The following CLIC6 variants were observed in gnomAD, a reference collection of about 807,000 sequenced individuals.
CLIC6 encodes the protein chloride intracellular channel protein 6.
CLIC6 carries 39 observed loss-of-function variants against 49.2 expected under a neutral mutation model. The ratio of observed to expected loss-of-function variants is 0.79; its 90% CI spans 0.61 to 1.04. The LOEUF (loss-of-function observed/expected upper bound fraction) is 1.04, where lower values mean the gene tolerates loss of function less well. Among genes scored for constraint, CLIC6 ranks in the 50% least tolerant of loss-of-function variants. The pLI is 0.00. For missense variants in CLIC6, 988 were observed against 993.1 expected, an observed-to-expected ratio of 0.99 and a Z score of 0.07; for synonymous variants, 446 against 433.4, an observed-to-expected ratio of 1.03 and a Z score of -0.36.
intron 5 of CLIC6, among the ~76,000 whole-genome samples, chr21:34,713,164 TAAAGACAAGAAAC>T (rs1652233641): frequency 6.6e-6 from 1 of 151,948 alleles, no homozygotes; most frequent in Admixed American, 6.6e-5. Context: ...GGAGGAATGA[TAAAGACAAGAAAC>T]AAAAACAGAA....
chr21:34,693,494 G>C (rs932181174), intron 1 of CLIC6, among the ~76,000 whole-genome samples: 4 of 152,214 alleles, frequency 2.6e-5, no homozygotes, highest in African/African-American at 7.2e-5. Context: ...AAAAACCATA[G>C]TAAGGAACCA....
At chr21:34,687,068 T>G (rs1462330892) in intron 1 of CLIC6, among the ~76,000 whole-genome samples, 2 of 152,182 alleles carry the variant, frequency 1.3e-5, no homozygotes, top group Non-Finnish European at 2.9e-5. Flanking sequence ...ACGTGGCAAT[T>G]GGTGACTGGG....
intron 1 of CLIC6, among the ~76,000 whole-genome samples, chr21:34,695,840 A>C (rs1427139140): frequency 1.3e-5 from 2 of 152,186 alleles, no homozygotes; most frequent in Non-Finnish European, 2.9e-5. Flanking sequence ...AACGACATGA[A>C]ATGTGCTACT....
chr21:34,679,713 A>G (rs1350736757), intron 1 of CLIC6, among the ~76,000 whole-genome samples: 1 of 152,246 alleles, frequency 6.6e-6, no homozygotes, highest in Non-Finnish European at 1.5e-5. Context: ...CAGAGGGGCT[A>G]CAGGTCCCAT....
chr21:34,687,966 T>C (rs987814345), intron 1 of CLIC6, among the ~76,000 whole-genome samples: 7 of 152,168 alleles, frequency 4.6e-5, no homozygotes, highest in Admixed American at 1.3e-4. Flanking sequence ...ACAACGAGCA[T>C]TGGGATGGAG....
rs1399270985 is a variant in CLIC6, at chr21:34,718,174, A to T, written c.*1692A>T. The T allele has an allele frequency of 1.3e-5, 2 of 152,588 alleles. No homozygotes were observed. The highest frequency in any genetic ancestry group is 2.9e-5 in the Non-Finnish European group (2 of 68,036). 9.5% of individuals were successfully genotyped at this position (152,588 alleles called of 1,614,324 possible). On this transcript the variant is annotated 3_prime_UTR_variant, in exon 6 of 6. Transcript: ENST00000349499. ...TTAGACATTAAAATGATTGACATAA[A>T]CTCTTTGTGCCTTGAAAATGAAACA... is the stretch of plus-strand genomic sequence containing the variant.
intron 1 of CLIC6, among the ~76,000 whole-genome samples, chr21:34,704,014 A>G (rs548968309): frequency 6.6e-6 from 1 of 152,224 alleles, no homozygotes; most frequent in Non-Finnish European, 1.5e-5. Context: ...AGAAATGTAT[A>G]TGTACAAAAA....
chr21:34,686,017 A>C (rs1241955253), intron 1 of CLIC6, among the ~76,000 whole-genome samples: 1 of 152,232 alleles, frequency 6.6e-6, no homozygotes, highest in Non-Finnish European at 1.5e-5. Context: ...GCTTTTTCAC[A>C]CAAAAAATTT....
At chr21:34,700,638 T>C (rs73900544) in intron 1 of CLIC6, among the ~76,000 whole-genome samples, 2,468 of 140,014 alleles carry the variant, frequency 0.018, 548 homozygotes, top group African/African-American at 0.067. Context: ...CAAGCTGTCA[T>C]GGGGAGTGGC....
chr21:34,711,192 T>C, intron 5 of CLIC6, among the ~76,000 whole-genome samples: 1 of 152,106 alleles, frequency 6.6e-6, no homozygotes, highest in East Asian at 1.9e-4. Context: ...GAAAAATAAG[T>C]CATGGACTGT....
Position 34,670,339 on chromosome 21 carries a change from G to A in CLIC6, c.951G>A (p.Glu317=). The stretch of plus-strand genomic sequence containing the variant: ...AGGCAATTGAGGTCGCAGCCGGGGA[G>A]AGTGCGGGGCGCAGCCCCGGTGAGC... The part of the protein sequence containing the change: ...QAEAIEVAAG[E]SAGRSPGELA... The change falls in exon 1 of 6, where the codon GAG becomes GAA. Residue 317 remains glutamate, a synonymous_variant. Transcript: ENST00000349499. 7 of 1,451,382 alleles carry A rather than the reference G, an allele frequency of 4.8e-6. No homozygotes were observed. Among genetic ancestry groups the A allele is most frequent in the Non-Finnish European group, 6.3e-6 (7 of 1,102,928 alleles). 89.9% of individuals were successfully genotyped at this position (1,451,382 alleles called of 1,614,324 possible).
chr21:34,676,124 C>T (rs1252855071), intron 1 of CLIC6, among the ~76,000 whole-genome samples: 3 of 152,148 alleles, frequency 2.0e-5, no homozygotes, highest in East Asian at 1.9e-4. Context: ...TTTGTCGGGC[C>T]GACTCAGATA....
intron 1 of CLIC6, among the ~76,000 whole-genome samples, chr21:34,685,946 T>C (rs1476012340): frequency 1.3e-5 from 2 of 152,198 alleles, no homozygotes; most frequent in Non-Finnish European, 2.9e-5. Flanking sequence ...ATTCCATTAT[T>C]GGACCGCTAA....
At chr21:34,709,570 T>C (rs768993623) in intron 5 of CLIC6, 32 bp downstream of exon 5, 3 of 1,586,532 alleles carry the variant, frequency 1.9e-6, no homozygotes, top group Non-Finnish European at 2.6e-6. Flanking sequence ...GTGTGCCGAG[T>C]ACACGAACGG....
chr21:34,693,972 TTTC>T (rs1405760298), intron 1 of CLIC6, among the ~76,000 whole-genome samples: 5 of 131,264 alleles, frequency 3.8e-5, no homozygotes, highest in Admixed American at 7.2e-5. Flanking sequence ...TTGTTGTTGT[TTTC>T]TTTTTTTTTT....
chr21:34,677,042 C>T (rs1989686243), intron 1 of CLIC6, among the ~76,000 whole-genome samples: 1 of 152,020 alleles, frequency 6.6e-6, no homozygotes, highest in African/African-American at 2.4e-5. Context: ...TGCTTTTTGT[C>T]AGCCCTTTTC....
rs78180107 is a variant in CLIC6 at position 34,716,372 on chromosome 21, A to G, written c.1951A>G (p.Ile651Val). ...DFEFPSEMTG[I>V]WRYLNNAYAR... ...TGAATTTCCTTCTGAAATGACTGGC[A>G]TCTGGAGATACTTGAATAATGCTTA... is the stretch of plus-strand genomic sequence containing the variant. The change falls in exon 6 of 6, where the codon ATC becomes GTC. Residue 651 changes from isoleucine to valine, a missense_variant. Transcript: ENST00000349499. 3,528 of 1,613,906 alleles carry G rather than the reference A, an allele frequency of 2.2e-3. 70 individuals are homozygous for G. The African/African-American group carries it at 0.041, about 19-fold the overall frequency.
At chr21:34,677,748 T>G (rs1340356322) in intron 1 of CLIC6, among the ~76,000 whole-genome samples, 1 of 152,144 alleles carries the variant, frequency 6.6e-6, no homozygotes, top group Non-Finnish European at 1.5e-5. Flanking sequence ...CTGTGTCTAA[T>G]GGCTAGAACT....
chr21:34,674,998 G>C (rs964663536), intron 1 of CLIC6, among the ~76,000 whole-genome samples: 2 of 152,040 alleles, frequency 1.3e-5, no homozygotes, highest in Non-Finnish European at 2.9e-5. Flanking sequence ...TCTGAGCTAC[G>C]GCTTTCCTGG....
Sources: allele counts gnomAD v4.1 joint callset (sites outside exome capture counted in the v4.1 genomes callset), GRCh38; gene constraint gnomAD v4.1.1; transcripts MANE v1.5; gene names NCBI Gene and HGNC (gene_info 2026-07-23, HGNC 2026-07-21).